KAZN: variants seen among roughly 807,000 people sequenced by gnomAD.
KAZN encodes kazrin.
In KAZN, 40 loss-of-function variants were observed where a neutral mutation model predicts 87.4. That is an observed-to-expected ratio of 0.46 (90% CI 0.36 to 0.60). The LOEUF is 0.60. Among genes scored for constraint, KAZN ranks in the 20% least tolerant of loss-of-function variants. The pLI, the probability that KAZN is intolerant of heterozygous loss-of-function variation, is 0.00. For missense variants in KAZN, 898 were observed against 1,073.9 expected (o/e 0.84, Z 2.29); for synonymous variants, 466 against 458.3 (o/e 1.02, Z -0.22).
chr1:15,078,298 G>A (rs7512350), intron 8 of KAZN, among the ~76,000 whole-genome samples: 29,912 of 151,810 alleles, frequency 0.2, 3,950 homozygotes, highest in East Asian at 0.64. Flanking sequence ...ACAGCTACTC[G>A]GGGGGCTGAG....
At chr1:14,113,890 C>G (rs1557485910) in intron 1 of KAZN, among the ~76,000 whole-genome samples, 1 of 152,260 alleles carries the variant, frequency 6.6e-6, no homozygotes, top group Non-Finnish European at 1.5e-5. Context: ...GGGGCATCTA[C>G]TGGCCAGTGA....
At chr1:14,408,909 AG>A (rs543825090) in intron 2 of KAZN, among the ~76,000 whole-genome samples, 1 of 150,962 alleles carries the variant, frequency 6.6e-6, no homozygotes, top group African/African-American at 2.4e-5. Flanking sequence ...AGAATAATGG[AG>A]GGGGGGCGTT....
chr1:14,713,680 C>G (rs981757565), intron 1 of KAZN, among the ~76,000 whole-genome samples: 2 of 145,914 alleles, frequency 1.4e-5, no homozygotes, highest in African/African-American at 5.1e-5. Flanking sequence ...TGGCTTATGC[C>G]TGTAATCCTA....
chr1:13,952,107 C>T (rs1641369066), intron 1 of KAZN, among the ~76,000 whole-genome samples: 1 of 152,036 alleles, frequency 6.6e-6, no homozygotes, highest in Non-Finnish European at 1.5e-5. Context: ...TTAGCAGCTT[C>T]TTATTTGAGC....
chr1:14,365,368 T>TG (rs796259489), intron 2 of KAZN, among the ~76,000 whole-genome samples: 5,603 of 82,774 alleles, frequency 0.068, 140 homozygotes, highest in East Asian at 0.2. Context: ...CCCCCCGGGG[T>TG]GGGGGGGGGG....
At chr1:15,038,155 G>A (rs1346603173) in intron 3 of KAZN, among the ~76,000 whole-genome samples, 2 of 152,160 alleles carry the variant, frequency 1.3e-5, no homozygotes, top group African/African-American at 4.8e-5. Context: ...TTGGGAGGCT[G>A]AAGCAGGAGG....
Position 15,004,789 on chromosome 1 carries a change from C to T in KAZN, c.419-29960C>T, listed in dbSNP as rs909406459. Among the ~76,000 whole-genome samples, 5 of 151,688 alleles carry T rather than the reference C, an allele frequency of 3.3e-5. No homozygotes were observed. The East Asian group carries it at 5.9e-4, about 18-fold the overall frequency. On this transcript the variant is annotated intron_variant, in intron 2 of 14. Coordinates refer to ENST00000376030, the MANE Select transcript of KAZN (RefSeq NM_201628.3). ...CTTAAGCGCTCATTGACCAGGTGAG[C>T]AAGTCACTTATTAATAGATATCATG...
chr1:14,706,154 T>G (rs898235679), intron 1 of KAZN, among the ~76,000 whole-genome samples: 1 of 152,136 alleles, frequency 6.6e-6, no homozygotes, highest in Non-Finnish European at 1.5e-5. Flanking sequence ...CGATGATCTG[T>G]CACTGATTCC....
intron 2 of KAZN, among the ~76,000 whole-genome samples, chr1:14,305,280 C>T (rs1654841671): frequency 6.6e-6 from 1 of 152,148 alleles, no homozygotes; most frequent in Admixed American, 6.5e-5. Flanking sequence ...GCCATGATAT[C>T]AACCCTACAG....
chr1:14,623,016 T>C (rs984874632), intron 1 of KAZN, among the ~76,000 whole-genome samples: 1 of 152,080 alleles, frequency 6.6e-6, no homozygotes, highest in Non-Finnish European at 1.5e-5. Flanking sequence ...GGTGGGAATA[T>C]AAATTAGTTC....
chr1:14,180,464 C>A lies in KAZN; in HGVS notation c.121C>A (p.Gln41Lys). The change falls in exon 2 of 17, where the codon CAG becomes AAG. Residue 41 changes from glutamine to lysine, a missense_variant. Coordinates refer to the KAZN transcript ENST00000636203. ...GCAATCATTGCACACCCTCAATGAC[C>A]AGATTTCCCATTTTATTGTCACCAA... 1.9e-6 allele frequency: 3 copies of A among 1,550,246 alleles called. 1 individual carries two copies. In the South Asian group the frequency reaches 3.6e-5, roughly 18 times the overall value.
intron 2 of KAZN, among the ~76,000 whole-genome samples, chr1:14,370,511 G>A (rs1402106980): frequency 6.6e-6 from 1 of 152,150 alleles, no homozygotes; most frequent in Non-Finnish European, 1.5e-5. Flanking sequence ...GCTATCTTGT[G>A]CAGGGCATGC....
chr1:14,659,807 C>T (rs1377947396), intron 1 of KAZN, among the ~76,000 whole-genome samples: 2 of 151,518 alleles, frequency 1.3e-5, no homozygotes, highest in South Asian at 4.2e-4. Flanking sequence ...CCTTTGTTGC[C>T]AGGGAAATCA....
intron 1 of KAZN, among the ~76,000 whole-genome samples, chr1:13,940,047 G>C (rs1640872230): frequency 6.6e-6 from 1 of 152,166 alleles, no homozygotes; most frequent in Non-Finnish European, 1.5e-5. Flanking sequence ...ATGAGATTTA[G>C]AGGGAACAAC....
intron 2 of KAZN, among the ~76,000 whole-genome samples, chr1:14,499,319 C>T (rs1670114342): frequency 6.6e-6 from 1 of 152,210 alleles, no homozygotes; most frequent in African/African-American, 2.4e-5. Flanking sequence ...GTGCACTTCT[C>T]TTGCACATCT....
intron 1 of KAZN, among the ~76,000 whole-genome samples, chr1:13,918,435 AAT>A (rs1289986953): frequency 7.2e-5 from 11 of 152,234 alleles, no homozygotes; most frequent in African/African-American, 2.7e-4. Context: ...ATAAAACTTA[AAT>A]GGAGGAGAAG....
intron 1 of KAZN, among the ~76,000 whole-genome samples, chr1:14,916,596 TTTA>T (rs1657843832): frequency 6.6e-6 from 1 of 152,194 alleles, no homozygotes; most frequent in Non-Finnish European, 1.5e-5. Flanking sequence ...AAGGAAGGAC[TTTA>T]TTATTTTGTT....
At chr1:14,031,862 T>C (rs1296768015) in intron 1 of KAZN, among the ~76,000 whole-genome samples, 2 of 148,802 alleles carry the variant, frequency 1.3e-5, no homozygotes, top group East Asian at 3.8e-4. Context: ...GGAGTTTGTG[T>C]GCTTGAGAGA....
intron 2 of KAZN, among the ~76,000 whole-genome samples, chr1:14,440,426 G>A (rs958674397): frequency 6.6e-6 from 1 of 152,074 alleles, no homozygotes; most frequent in Non-Finnish European, 1.5e-5. Context: ...GCTCTCTTCC[G>A]GGAACTACCA....
Sources: gnomAD v4.1 joint callset for allele counts (sites outside exome capture counted in the v4.1 genomes callset) on GRCh38, gnomAD v4.1.1 for gene constraint, MANE v1.5 for transcripts, NCBI Gene and HGNC (gene_info 2026-07-23, HGNC 2026-07-21) for gene names.